RNF169: variants seen among roughly 807,000 people sequenced by gnomAD.
RNF169 encodes ring finger protein 169.
A neutral mutation model predicts 53.9 loss-of-function variants in RNF169; 24 were observed. The ratio of observed to expected loss-of-function variants is 0.45; its 90% CI spans 0.32 to 0.63. RNF169 has a LOEUF of 0.63. RNF169 is among the 20% of genes least tolerant of loss of function. The pLI is 0.04. For missense variants in RNF169, 883 were observed against 906.2 expected (o/e 0.97, Z 0.33); for synonymous variants, 396 against 363.5 (o/e 1.09, Z -1.02).
intron 1 of RNF169, among the ~76,000 whole-genome samples, chr11:74,765,472 A>G (rs557923975): frequency 3.6e-4 from 55 of 152,322 alleles, no homozygotes; most frequent in African/African-American, 1.2e-3. Flanking sequence ...CCATGTTTGG[A>G]AATTGAAAAA....
In RNF169 at chr11:74,835,804, G is replaced by A. The variant is rs201032888; in HGVS notation, c.1201G>A (p.Val401Met). 1.2e-6 allele frequency: 2 copies of A among 1,614,072 alleles called. No individual in the cohort carries two copies. The highest frequency in any genetic ancestry group is 1.7e-6 in the Non-Finnish European group (2 of 1,180,044). Residue 401 changes from valine (V) to methionine (M), a missense_variant, in exon 6 of 6, where the codon GTG becomes ATG. Coordinates refer to ENST00000299563, the MANE Select transcript of RNF169 (RefSeq NM_001098638.2). ...TPPKRLPDGR[V>M]LSPLIIKSTP... ...TCCCAAGAGACTCCCTGATGGCCGT[G>A]TGCTAAGTCCTCTCATCATCAAATC... is the stretch of plus-strand genomic sequence containing the variant.
At position 74,837,578 on chromosome 11, in the gene RNF169, A is replaced by G. The variant is rs146067130; in HGVS notation, c.*848A>G. 1 of 152,344 alleles carries G rather than the reference A, an allele frequency of 6.6e-6. No homozygotes were observed. Among genetic ancestry groups the G allele is most frequent in the East Asian group, 1.9e-4 (1 of 5,186 alleles). 9.4% of individuals were successfully genotyped at this position (152,344 alleles called of 1,614,324 possible). ...CAAGATCGACAGGGTGGATAAACAT[A>G]TATGTGCATTATCCCCATCCCCCAC... is the stretch of plus-strand genomic sequence containing the variant. On this transcript the variant is annotated 3_prime_UTR_variant, in exon 6 of 6. Transcript: ENST00000299563.
At chr11:74,775,174 G>A (rs535772864) in intron 1 of RNF169, among the ~76,000 whole-genome samples, 10 of 152,252 alleles carry the variant, frequency 6.6e-5, no homozygotes, top group South Asian at 6.2e-4. Flanking sequence ...TAGAGAGGAA[G>A]AAATTGATGG....
At chr11:74,793,960 T>G (rs542234153) in intron 2 of RNF169, among the ~76,000 whole-genome samples, 24 of 152,190 alleles carry the variant, frequency 1.6e-4, no homozygotes, top group Non-Finnish European at 2.6e-4. Context: ...ACATAAACAC[T>G]TTAGTCTTCT....
chr11:74,769,080 G>C (rs2035219710), intron 1 of RNF169, among the ~76,000 whole-genome samples: 1 of 152,078 alleles, frequency 6.6e-6, no homozygotes, highest in Non-Finnish European at 1.5e-5. Context: ...AAGAGATTAA[G>C]TAAGAAGACC....
chr11:74,792,539 C>T (rs1165233214), intron 2 of RNF169, among the ~76,000 whole-genome samples: 2 of 152,040 alleles, frequency 1.3e-5, no homozygotes, highest in Admixed American at 1.3e-4. Flanking sequence ...GTAGCTGGGA[C>T]TACAGGCGTG....
At chr11:74,768,774 G>T (rs1208953164) in intron 1 of RNF169, among the ~76,000 whole-genome samples, 1 of 152,158 alleles carries the variant, frequency 6.6e-6, no homozygotes, top group East Asian at 1.9e-4. Context: ...GCCAGGCGTG[G>T]TGGCTCATGC....
At chr11:74,814,767 T>C (rs1404562834) in intron 3 of RNF169, among the ~76,000 whole-genome samples, 2 of 152,196 alleles carry the variant, frequency 1.3e-5, no homozygotes, top group Non-Finnish European at 2.9e-5. Context: ...AGAATTTATT[T>C]AAGTAATCTT....
At chr11:74,830,736 A>C (rs1302044008) in intron 4 of RNF169, 1 of 152,212 alleles carries the variant, frequency 6.6e-6, no homozygotes, top group Non-Finnish European at 1.5e-5. Context: ...GTAGAGGCCA[A>C]GATCTCTTCG....
intron 1 of RNF169, among the ~76,000 whole-genome samples, chr11:74,777,483 T>G (rs1333152323): frequency 6.6e-6 from 1 of 152,262 alleles, no homozygotes; most frequent in East Asian, 1.9e-4. Flanking sequence ...TTCTGTGACC[T>G]CCTTTATCAT....
At chr11:74,778,292 A>G (rs1395260290) in intron 1 of RNF169, among the ~76,000 whole-genome samples, 12 of 152,052 alleles carry the variant, frequency 7.9e-5, no homozygotes, top group Admixed American at 7.9e-4. Flanking sequence ...TTCCCTCTTT[A>G]ACCTACTAAT....
chr11:74,763,970 C>T (rs769646693), intron 1 of RNF169, among the ~76,000 whole-genome samples: 3 of 152,108 alleles, frequency 2.0e-5, no homozygotes, highest in Admixed American at 6.6e-5. Context: ...CCTTGGCCTC[C>T]CAAAGTGTTG....
intron 2 of RNF169, among the ~76,000 whole-genome samples, chr11:74,804,387 C>A (rs990045379): frequency 6.6e-6 from 1 of 152,118 alleles, no homozygotes; most frequent in Non-Finnish European, 1.5e-5. Context: ...GATACTCATA[C>A]AAATGGAGAA....
intron 2 of RNF169, among the ~76,000 whole-genome samples, chr11:74,803,379 C>T (rs1447237316): frequency 6.6e-6 from 1 of 152,128 alleles, no homozygotes; most frequent in Non-Finnish European, 1.5e-5. Context: ...CCACCGCGCC[C>T]AACCAAACAC....
chr11:74,754,713 G>A (rs1307624764), intron 1 of RNF169, among the ~76,000 whole-genome samples: 1 of 152,118 alleles, frequency 6.6e-6, no homozygotes, highest in Non-Finnish European at 1.5e-5. Flanking sequence ...CCCAGCTACC[G>A]GGAGGCTGAG....
At chr11:74,783,376 C>T (rs1189813111) in intron 1 of RNF169, among the ~76,000 whole-genome samples, 1 of 152,138 alleles carries the variant, frequency 6.6e-6, no homozygotes, top group Non-Finnish European at 1.5e-5. Context: ...GCCACAGGTG[C>T]ATGTCATTCT....
intron 3 of RNF169, among the ~76,000 whole-genome samples, chr11:74,813,478 A>C (rs552305270): frequency 6.6e-6 from 1 of 152,348 alleles, no homozygotes; most frequent in South Asian, 2.1e-4. Flanking sequence ...TGGATACAGC[A>C]GTTATGGTTA....
rs369911481 is a variant in RNF169, at chr11:74,789,621, T to C, written c.503-5T>C. The C allele has an allele frequency of 1.6e-3, 2,506 of 1,600,182 alleles. 3 individuals are homozygous for C. Among genetic ancestry groups the C allele is most frequent in the Non-Finnish European group, 1.9e-3 (2,279 of 1,169,936 alleles). Reference sequence around the variant, plus strand: ...AAAAAGTATTTTCTTTTCCCTTTCTTTCAGACTTTATATTCAGAGCACCAA... The same window carrying C: ...AAAAAGTATTTTCTTTTCCCTTTCTCTCAGACTTTATATTCAGAGCACCAA... On this transcript the variant is annotated splice_region_variant and splice_polypyrimidine_tract_variant and intron_variant, in intron 1 of 5. Coordinates refer to ENST00000299563, the MANE Select transcript of RNF169 (RefSeq NM_001098638.2).
rs753321893 is a variant in RNF169 at position 74,836,673 on chromosome 11, A to T, written c.2070A>T (p.Arg690=). The T allele has an allele frequency of 6.2e-7, 1 of 1,613,640 alleles. No individual in the cohort carries two copies. The highest frequency in any genetic ancestry group is 8.5e-7 in the Non-Finnish European group (1 of 1,180,032). The change falls in exon 6 of 6, where the codon CGA becomes CGT. Residue 690 remains arginine, a synonymous_variant. Transcript: ENST00000299563. ...FDNERRTVSR[R]KGSVDQYLLR... ...ATGAGAGGCGGACTGTGAGCCGGCG[A>T]AAAGGAAGTGTGGATCAGTATCTCC...
Sources: gnomAD v4.1 joint callset for allele counts (sites outside exome capture counted in the v4.1 genomes callset) on GRCh38, gnomAD v4.1.1 for gene constraint, MANE v1.5 for transcripts, NCBI Gene and HGNC (gene_info 2026-07-23, HGNC 2026-07-21) for gene names.